GATA4: variants seen among roughly 807,000 people sequenced by gnomAD.
GATA4 encodes transcription factor GATA-4.
In GATA4, 7 loss-of-function variants were observed where a neutral mutation model predicts 37.9. The observed-to-expected ratio is 0.18, with a 90% CI of 0.11 to 0.35. The LOEUF is 0.35. GATA4 is among the 10% of genes least tolerant of loss of function. The pLI, the probability that GATA4 is intolerant of heterozygous loss-of-function variation, is 1.00. For synonymous variants in GATA4, 372 were observed against 292.6 expected (o/e 1.27, Z -2.77); for missense variants, 647 against 653.0 (o/e 0.99, Z 0.10).
intron 1 of GATA4, chr8:11,683,092 C>G: frequency 1.0e-6 from 1 of 985,444 alleles, no homozygotes; most frequent in Non-Finnish European, 1.2e-6. Context: ...AGCCTTCTCG[C>G]CGGATTGCCT....
chr8:11,716,757 C>A (rs960199598), intron 2 of GATA4, among the ~76,000 whole-genome samples: 1 of 152,172 alleles, frequency 6.6e-6, no homozygotes, highest in Non-Finnish European at 1.5e-5. Context: ...CCGGCTGCAG[C>A]GGTGGGATTG....
At chr8:11,680,473 C>G (rs1050173181) in intron 1 of GATA4, 1 of 985,454 alleles carries the variant, frequency 1.0e-6, no homozygotes, top group African/African-American at 1.7e-5. Context: ...AGCCGGTTTG[C>G]TTTGGATGCA....
chr8:11,684,803 C>T (rs2129946596), intron 1 of GATA4, among the ~76,000 whole-genome samples: 1 of 152,250 alleles, frequency 6.6e-6, no homozygotes, highest in East Asian at 1.9e-4. Context: ...CTTCAAAACT[C>T]TTCAGAAATT....
intron 2 of GATA4, among the ~76,000 whole-genome samples, chr8:11,713,873 G>C (rs1027587825): frequency 2.0e-5 from 3 of 152,208 alleles, no homozygotes; most frequent in Non-Finnish European, 4.4e-5. Context: ...CTGTGAAACG[G>C]ACGTAGCCGG....
At chr8:11,685,630 GT>G (rs1799110539) in intron 1 of GATA4, among the ~76,000 whole-genome samples, 3 of 152,340 alleles carry the variant, frequency 2.0e-5, no homozygotes, top group African/African-American at 7.2e-5. Context: ...GTTGGTAGGA[GT>G]GATTTTTCCA....
intron 1 of GATA4, among the ~76,000 whole-genome samples, chr8:11,693,522 A>AAG (rs1799394913): frequency 9.1e-6 from 1 of 109,962 alleles, no homozygotes; most frequent in South Asian, 3.6e-4. Flanking sequence ...ATTCAGCACA[A>AAG]ACACACACAC....
chr8:11,725,656 C>T (rs1321745576), intron 2 of GATA4, among the ~76,000 whole-genome samples: 1 of 152,252 alleles, frequency 6.6e-6, no homozygotes, highest in Non-Finnish European at 1.5e-5. Context: ...GCTCTTCACT[C>T]TGGAGGTCAG....
chr8:11,684,083 CCT>C (rs773015124), intron 1 of GATA4, among the ~76,000 whole-genome samples: 1 of 152,252 alleles, frequency 6.6e-6, no homozygotes, highest in African/African-American at 2.4e-5. Flanking sequence ...CTGGCCACGA[CCT>C]GGGCTGTGCC....
intron 1 of GATA4, chr8:11,697,880 C>G (rs567349417): frequency 1.0e-6 from 1 of 985,364 alleles, no homozygotes; most frequent in African/African-American, 1.7e-5. Flanking sequence ...ACGGGCCGAG[C>G]TGGCTCAGGG....
chr8:11,744,186 C>T (rs1466066540), intron 2 of GATA4, among the ~76,000 whole-genome samples: 1 of 152,136 alleles, frequency 6.6e-6, no homozygotes, highest in Non-Finnish European at 1.5e-5. Context: ...GTCCTCCCCT[C>T]CTCCAATAAC....
chr8:11,735,141 T>C (rs1005955668), intron 2 of GATA4, among the ~76,000 whole-genome samples: 2 of 152,214 alleles, frequency 1.3e-5, no homozygotes, highest in Non-Finnish European at 2.9e-5. Flanking sequence ...GAAGGAAATA[T>C]GGTAAAACAA....
rs533780217 is a variant in GATA4, at chr8:11,709,482, T to C, written c.616+554T>C. Among the ~76,000 whole-genome samples, 2 of 137,310 alleles carry C rather than the reference T, an allele frequency of 1.5e-5. No individual in the cohort carries two copies. The highest frequency in any genetic ancestry group is 4.4e-4 in the East Asian group (2 of 4,546). 90.1% of individuals were successfully genotyped at this position (137,310 alleles called of 152,430 possible). A position where few individuals can be genotyped will look rare whatever the true frequency, so the allele number is the denominator to read the frequency against. ...TCTCACACCGAGAACAAAGGAGGGA[T>C]GGACAAAGGAGACGCCGGGGAGATG... On this transcript the variant is annotated intron_variant, in intron 2 of 6. Transcript: ENST00000532059. This position sits in a 1 kb window ranked among gnomAD's most constrained non-coding sequence, Gnocchi z 4.3.
At position 11,708,135 on chromosome 8, in the gene GATA4, T is replaced by A. The variant is rs1198573694; in HGVS notation, c.-178T>A. ...CAAGAGCCTAGAGCCCTTTGCTCAA[T>A]GCTGGATTTAATACGTATATATTTT... On this transcript the variant is annotated 5_prime_UTR_variant, in exon 2 of 7. An upstream start codon of the reference 5' UTR is lost. Transcript: ENST00000532059. The surrounding 1 kb of genome is among the most constrained non-coding windows in gnomAD (Gnocchi z 6.7). 4 of 750,694 alleles carry A rather than the reference T, an allele frequency of 5.3e-6. No individual in the cohort carries two copies. The East Asian group carries it at 1.1e-4, about 20-fold the overall frequency. 46.5% of individuals were successfully genotyped at this position (750,694 alleles called of 1,614,324 possible). A position where few individuals can be genotyped will look rare whatever the true frequency, so the allele number is the denominator to read the frequency against.
chr8:11,683,496 G>C (rs1211757048), intron 1 of GATA4, among the ~76,000 whole-genome samples: 1 of 152,144 alleles, frequency 6.6e-6, no homozygotes, highest in Non-Finnish European at 1.5e-5. Context: ...CCATCAAGGG[G>C]CGCGGTTCGA....
rs540738568 is a variant in GATA4, at chr8:11,686,725, C to T, written c.-274+9662C>T. On this transcript the variant is annotated intron_variant, in intron 1 of 6. Transcript: ENST00000528712. ...CTACAAACAAAATCCTCAGGCTGGGCGCAGTAGCTCATGCCTCTAATCCCA... is the reference window on the plus strand; with the variant it reads ...CTACAAACAAAATCCTCAGGCTGGGTGCAGTAGCTCATGCCTCTAATCCCA... Among the ~76,000 whole-genome samples, 20 of 152,280 alleles carry T rather than the reference C, an allele frequency of 1.3e-4. No individual in the cohort carries two copies. In the East Asian group the frequency reaches 1.3e-3, roughly 10 times the overall value.
At chr8:11,699,749 G>A (rs1295285912), upstream of GATA4, among the ~76,000 whole-genome samples, 1 of 152,254 alleles carries the variant, frequency 6.6e-6, no homozygotes, top group Non-Finnish European at 1.5e-5. Flanking sequence ...AAAGGCTATG[G>A]TGTCCGTCCT....
At chr8:11,732,652 G>A (rs1033244739) in intron 2 of GATA4, among the ~76,000 whole-genome samples, 1 of 152,226 alleles carries the variant, frequency 6.6e-6, no homozygotes, top group Non-Finnish European at 1.5e-5. Context: ...GCTAGAGGAA[G>A]AGGAGCCGAC....
chr8:11,686,061 A>C (rs1799125180), intron 1 of GATA4, among the ~76,000 whole-genome samples: 1 of 152,344 alleles, frequency 6.6e-6, no homozygotes, highest in African/African-American at 2.4e-5. Flanking sequence ...AAACTGAAAT[A>C]GTTTGCACTT....
intron 2 of GATA4, among the ~76,000 whole-genome samples, chr8:11,730,098 G>C (rs1801133441): frequency 1.3e-5 from 2 of 152,106 alleles, no homozygotes; most frequent in South Asian, 4.1e-4. Flanking sequence ...ATATTTTTTG[G>C]AGGTAGGGTT....
Sources: gnomAD v4.1 joint callset for allele counts (sites outside exome capture counted in the v4.1 genomes callset) on GRCh38, gnomAD v4.1.1 for gene constraint, Gnocchi (gnomAD v3.1) non-coding constraint, MANE v1.5 for transcripts, NCBI Gene and HGNC (gene_info 2026-07-23, HGNC 2026-07-21) for gene names.